The following FBXO15 variants were observed in gnomAD, a reference collection of about 807,000 sequenced individuals.
The protein encoded by FBXO15 is F-box only protein 15.
FBXO15 carries 30 observed loss-of-function variants against 49.5 expected under a neutral mutation model. That is an observed-to-expected ratio of 0.61 (90% CI 0.45 to 0.82). The LOEUF (loss-of-function observed/expected upper bound fraction) is 0.82, where lower values mean the gene tolerates loss of function less well. FBXO15 is among the 40% of genes least tolerant of loss of function. The pLI, the probability that FBXO15 is intolerant of heterozygous loss-of-function variation, is 0.00. For synonymous variants in FBXO15, 250 were observed against 232.7 expected, an observed-to-expected ratio of 1.07 and a Z score of -0.68; for missense variants, 591 against 631.5, an observed-to-expected ratio of 0.94 and a Z score of 0.69.
intron 8 of FBXO15, among the ~76,000 whole-genome samples, chr18:74,100,693 C>T (rs1174588039): frequency 4.0e-5 from 6 of 151,752 alleles, no homozygotes; most frequent in Non-Finnish European, 8.8e-5. Context: ...AGAGAAAACC[C>T]AAATAAGAAC....
chr18:74,114,684 T>G (rs187096289), intron 8 of FBXO15, among the ~76,000 whole-genome samples: 71 of 152,346 alleles, frequency 4.7e-4, no homozygotes, highest in African/African-American at 1.5e-3. Context: ...TCTAAACTTC[T>G]TTTTAACTTA....
intron 1 of FBXO15, among the ~76,000 whole-genome samples, chr18:74,142,499 A>G (rs866429602): frequency 3.3e-5 from 5 of 152,174 alleles, no homozygotes; most frequent in Admixed American, 1.3e-4. Context: ...CAAGTTGTCA[A>G]CAGGGCCGTG....
At chr18:74,146,388 G>T (rs1979411668) in intron 1 of FBXO15, among the ~76,000 whole-genome samples, 1 of 152,090 alleles carries the variant, frequency 6.6e-6, no homozygotes, top group Non-Finnish European at 1.5e-5. Context: ...TGAAATGCAG[G>T]TTCCCATGCC....
rs985105815 is a variant in FBXO15, at chr18:74,074,563, G to A, written c.1264-833C>T. Among the ~76,000 whole-genome samples the A allele has an allele frequency of 4.6e-5, 7 of 151,690 alleles. No homozygotes were observed. Among genetic ancestry groups the A allele is most frequent in the Admixed American group, 6.6e-5 (1 of 15,258 alleles). On this transcript the variant is annotated intron_variant, in intron 9 of 9. Transcript: ENST00000419743. This position sits in a 1 kb window ranked among gnomAD's most constrained non-coding sequence, Gnocchi z 4.7. Reference sequence around the variant, plus strand: ...CCCTGTCTTCTAACTGCCACCCTTCGTCTTCCAGCTGACTCACTGGATGAC... The same window carrying A: ...CCCTGTCTTCTAACTGCCACCCTTCATCTTCCAGCTGACTCACTGGATGAC...
At chr18:74,147,006 G>A (rs1241167131) in intron 1 of FBXO15, 1 of 152,180 alleles carries the variant, frequency 6.6e-6, no homozygotes, top group East Asian at 1.9e-4. Context: ...AACAGCTCAC[G>A]ATATAATGAG....
At chr18:74,130,315 A>C in intron 4 of FBXO15, 101 bp downstream of exon 4, 2 of 1,456,856 alleles carry the variant, frequency 1.4e-6, no homozygotes, top group Non-Finnish European at 1.8e-6. Flanking sequence ...AACACACAAA[A>C]ATACTAGAGA....
At chr18:74,099,086 C>A (rs1200554869) in intron 8 of FBXO15, 1 of 152,154 alleles carries the variant, frequency 6.6e-6, no homozygotes, top group African/African-American at 2.4e-5. Context: ...GATTACGCCA[C>A]TGCACTCCAG....
chr18:74,128,044 A>C (rs1036355434), intron 5 of FBXO15, among the ~76,000 whole-genome samples: 3 of 152,208 alleles, frequency 2.0e-5, no homozygotes, highest in Non-Finnish European at 4.4e-5. Flanking sequence ...GGCTTCCTTC[A>C]TGATCCCGTA....
At position 74,131,326 on chromosome 18, in the gene FBXO15, T is replaced by C. The variant is rs139582622; in HGVS notation, c.333-668A>G. On this transcript the variant is annotated intron_variant, in intron 3 of 9. Coordinates refer to ENST00000419743, the MANE Select transcript of FBXO15 (RefSeq NM_001142958.2). Reference sequence around the variant, plus strand: ...TGCTGGTATTCCTGTCCCCACTGCATAGATGCTGTAACTGAGGCTCAGATG... The same window carrying C: ...TGCTGGTATTCCTGTCCCCACTGCACAGATGCTGTAACTGAGGCTCAGATG... Among the ~76,000 whole-genome samples the C allele has an allele frequency of 6.8e-4, 103 of 152,320 alleles. 1 individual carries two copies. Among genetic ancestry groups the C allele is most frequent in the Middle Eastern group, 6.8e-3 (2 of 294 alleles).
chr18:74,090,349 AAAC>A (rs1344018735), intron 8 of FBXO15, among the ~76,000 whole-genome samples: 3 of 152,118 alleles, frequency 2.0e-5, no homozygotes, highest in Non-Finnish European at 4.4e-5. Context: ...TTTTTCAAAA[AAAC>A]AACTCCTGAA....
chr18:74,096,003 C>A (rs1599145925), intron 8 of FBXO15, among the ~76,000 whole-genome samples: 1 of 152,090 alleles, frequency 6.6e-6, no homozygotes, highest in Admixed American at 6.6e-5. Context: ...ATCTGTGACA[C>A]CCCTCCCCCG....
chr18:74,115,958 T>C (rs747431606), intron 8 of FBXO15, among the ~76,000 whole-genome samples: 1 of 152,220 alleles, frequency 6.6e-6, no homozygotes, highest in Non-Finnish European at 1.5e-5. Flanking sequence ...TAACATCTGC[T>C]AAGCCAGCCC....
chr18:74,137,127 T>C lies in FBXO15; in HGVS notation c.228-1261A>G, dbSNP rs539359004. The stretch of plus-strand genomic sequence containing the variant: ...TCCCCACTGCTCAAATCTCCAGCTA[T>C]AGTTAACCAGAGACGTTCTGAGAGT... On this transcript the variant is annotated intron_variant, in intron 2 of 9. Coordinates refer to ENST00000419743, the MANE Select transcript of FBXO15 (RefSeq NM_001142958.2). Among the ~76,000 whole-genome samples, 13 of 152,306 alleles carry C rather than the reference T, an allele frequency of 8.5e-5. No homozygotes were observed. In the South Asian group the frequency reaches 2.5e-3, roughly 29 times the overall value.
At chr18:74,094,484 G>A (rs564449151) in intron 8 of FBXO15, among the ~76,000 whole-genome samples, 152 of 152,172 alleles carry the variant, frequency 1.0e-3, no homozygotes, top group East Asian at 3.3e-3. Flanking sequence ...ACAGAACCTC[G>A]AGCCAATAAA....
chr18:74,095,476 C>A (rs907419772), intron 8 of FBXO15, among the ~76,000 whole-genome samples: 1 of 152,080 alleles, frequency 6.6e-6, no homozygotes, highest in African/African-American at 2.4e-5. Flanking sequence ...AATAGAAAGG[C>A]CTGAGGGGAG....
intron 8 of FBXO15, among the ~76,000 whole-genome samples, chr18:74,119,497 A>G (rs2145181792): frequency 6.6e-6 from 1 of 152,320 alleles, no homozygotes; most frequent in Non-Finnish European, 1.5e-5. Context: ...TGCTATGAAG[A>G]AAAATTGAGG....
At chr18:74,107,600 G>A (rs368645455) in intron 8 of FBXO15, among the ~76,000 whole-genome samples, 80 of 152,254 alleles carry the variant, frequency 5.3e-4, no homozygotes, top group African/African-American at 1.9e-3. Context: ...ATAAAAAAAA[G>A]GGAAACCTGA....
intron 5 of FBXO15, among the ~76,000 whole-genome samples, chr18:74,127,324 C>T (rs945704249): frequency 6.6e-6 from 1 of 152,252 alleles, no homozygotes; most frequent in African/African-American, 2.4e-5. Context: ...CAGCCACAGA[C>T]ACAGAAACTA....
At chr18:74,092,339 T>G (rs1306405814) in intron 8 of FBXO15, among the ~76,000 whole-genome samples, 1 of 152,196 alleles carries the variant, frequency 6.6e-6, no homozygotes, top group South Asian at 2.1e-4. Context: ...GTTGATGATT[T>G]TTGTTCTTAT....
Sources: allele counts gnomAD v4.1 joint callset (sites outside exome capture counted in the v4.1 genomes callset), GRCh38; gene constraint gnomAD v4.1.1; non-coding constraint Gnocchi (gnomAD v3.1); transcripts MANE v1.5; gene names NCBI Gene and HGNC (gene_info 2026-07-23, HGNC 2026-07-21).